The following SEC14L5 variants were observed in gnomAD, a reference collection of about 807,000 sequenced individuals.
SEC14L5 encodes the protein SEC14-like protein 5.
Under a neutral mutation model 84.6 loss-of-function variants are expected in SEC14L5, and 96 were observed. That is an observed-to-expected ratio of 1.13 (90% CI 0.96 to 1.34). The LOEUF (loss-of-function observed/expected upper bound fraction) is 1.34. Ranked by LOEUF, SEC14L5 falls within the 40% of genes most tolerant of loss-of-function variation. The probability of loss-of-function intolerance (pLI) is 0.00; values close to 1 mark genes in which losing one functional copy is unlikely to be tolerated. For synonymous variants in SEC14L5, 546 were observed against 383.4 expected, an observed-to-expected ratio of 1.42 and a Z score of -4.95; for missense variants, 1,224 against 942.5, an observed-to-expected ratio of 1.30 and a Z score of -3.91.
At chr16:4,965,953 G>A (rs1436344500) in intron 2 of SEC14L5, among the ~76,000 whole-genome samples, 1 of 151,950 alleles carries the variant, frequency 6.6e-6, no homozygotes, top group Non-Finnish European at 1.5e-5. Flanking sequence ...GAGGCAGGAG[G>A]ATCACTTGAG....
At chr16:4,982,240 G>T (rs1191350319) in intron 2 of SEC14L5, among the ~76,000 whole-genome samples, 1 of 152,128 alleles carries the variant, frequency 6.6e-6, no homozygotes, top group African/African-American at 2.4e-5. Context: ...CTTCCTGGGA[G>T]CCAGGAGGGA....
chr16:5,000,951 C>T (rs560280980), intron 10 of SEC14L5, 26 bp downstream of exon 10: 1 of 1,568,788 alleles, frequency 6.4e-7, no homozygotes. Context: ...GGGCACAAAT[C>T]CCCCCTAAAC....
intron 2 of SEC14L5, among the ~76,000 whole-genome samples, chr16:4,965,394 G>T (rs1043956590): frequency 2.0e-5 from 3 of 152,128 alleles, no homozygotes; most frequent in Non-Finnish European, 2.9e-5. Context: ...AGGCGCGGTG[G>T]CTCACGCCTG....
At chr16:5,001,672 C>T (rs942343042) in intron 10 of SEC14L5, among the ~76,000 whole-genome samples, 1 of 152,180 alleles carries the variant, frequency 6.6e-6, no homozygotes, top group African/African-American at 2.4e-5. Context: ...GACTCCCCCG[C>T]ATTTCTGTTC....
chr16:4,966,564 G>A (rs1568103299), intron 2 of SEC14L5, among the ~76,000 whole-genome samples: 1 of 152,076 alleles, frequency 6.6e-6, no homozygotes, highest in Admixed American at 6.6e-5. Context: ...GTGAGCCACC[G>A]TGCCCAGCCC....
intron 2 of SEC14L5, among the ~76,000 whole-genome samples, chr16:4,982,398 C>T (rs1955434894): frequency 6.6e-6 from 1 of 152,174 alleles, no homozygotes; most frequent in Non-Finnish European, 1.5e-5. Flanking sequence ...CTGGGATACG[C>T]CCCCACCACC....
intron 2 of SEC14L5, among the ~76,000 whole-genome samples, chr16:4,978,591 T>C (rs1955378278): frequency 6.7e-6 from 1 of 149,148 alleles, no homozygotes; most frequent in South Asian, 2.2e-4. Context: ...GGTAATTTTC[T>C]TTTTTAAAAA....
intron 2 of SEC14L5, among the ~76,000 whole-genome samples, chr16:4,963,354 T>G (rs1030786236): frequency 6.6e-6 from 1 of 152,206 alleles, no homozygotes; most frequent in Non-Finnish European, 1.5e-5. Flanking sequence ...CAACTATTTT[T>G]TTTTTAAGAT....
intron 15 of SEC14L5, among the ~76,000 whole-genome samples, chr16:5,012,930 TG>T (rs1955822473): frequency 7.1e-6 from 1 of 141,602 alleles, no homozygotes; most frequent in African/African-American, 2.6e-5. Context: ...TACCTGAGAC[TG>T]GGTAATTTAT....
At chr16:5,012,606 G>A (rs1955818460) in intron 15 of SEC14L5, among the ~76,000 whole-genome samples, 1 of 152,232 alleles carries the variant, frequency 6.6e-6, no homozygotes, top group African/African-American at 2.4e-5. Flanking sequence ...TCCACACTGT[G>A]AGAAAGAACT....
intron 2 of SEC14L5, among the ~76,000 whole-genome samples, chr16:4,977,967 A>G (rs1292354746): frequency 6.7e-6 from 1 of 148,422 alleles, no homozygotes; most frequent in Non-Finnish European, 1.5e-5. Flanking sequence ...CGCCTGGCTA[A>G]TTTTTTGCAT....
chr16:4,999,996 A>G (rs1468791681), intron 8 of SEC14L5, among the ~76,000 whole-genome samples: 1 of 152,120 alleles, frequency 6.6e-6, no homozygotes, highest in Non-Finnish European at 1.5e-5. Context: ...ATTGGTTGAC[A>G]AAAAGTATTA....
intron 2 of SEC14L5, among the ~76,000 whole-genome samples, chr16:4,972,149 G>A (rs1009232888): frequency 2.0e-5 from 3 of 151,860 alleles, no homozygotes; most frequent in Non-Finnish European, 4.4e-5. Flanking sequence ...GGGACTATAG[G>A]TGCCACCGAA....
chr16:4,984,862 C>T (rs1035873538), intron 2 of SEC14L5, among the ~76,000 whole-genome samples: 1 of 152,132 alleles, frequency 6.6e-6, no homozygotes, highest in Non-Finnish European at 1.5e-5. Flanking sequence ...CTGTTGAGAT[C>T]TTCTGCCATT....
At chr16:5,006,958 C>T (rs548315933) in intron 12 of SEC14L5, among the ~76,000 whole-genome samples, 6 of 152,154 alleles carry the variant, frequency 3.9e-5, no homozygotes, top group South Asian at 2.1e-4. Flanking sequence ...GTTCCACCCC[C>T]GCCTGTGACG....
At chr16:4,967,068 C>T (rs976655303) in intron 2 of SEC14L5, among the ~76,000 whole-genome samples, 1 of 152,234 alleles carries the variant, frequency 6.6e-6, no homozygotes. Flanking sequence ...GAGACTGTCC[C>T]TCAGTGACCA....
intron 1 of SEC14L5, among the ~76,000 whole-genome samples, chr16:4,958,743 C>G (rs935841141): frequency 6.6e-6 from 1 of 152,116 alleles, no homozygotes; most frequent in African/African-American, 2.4e-5. Flanking sequence ...GAGGCGTGTG[C>G]AAAAGCAGTC....
At chr16:5,012,269 G>T (rs1258657403) in intron 15 of SEC14L5, among the ~76,000 whole-genome samples, 6 of 152,180 alleles carry the variant, frequency 3.9e-5, no homozygotes, top group Non-Finnish European at 7.3e-5. Flanking sequence ...AATAGACACA[G>T]GCATTGGAAG....
chr16:4,996,333 C>G lies in SEC14L5; in HGVS notation c.668-15C>G, dbSNP rs1466886182. 2 of 1,477,724 alleles carry G rather than the reference C, an allele frequency of 1.4e-6. No individual in the cohort carries two copies. Among genetic ancestry groups the G allele is most frequent in the South Asian group, 1.2e-5 (1 of 82,488 alleles). 91.5% of individuals were successfully genotyped at this position (1,477,724 alleles called of 1,614,324 possible). On this transcript the variant is annotated splice_polypyrimidine_tract_variant and intron_variant, in intron 6 of 15. Coordinates refer to ENST00000251170, the MANE Select transcript of SEC14L5 (RefSeq NM_014692.2). ...CGTCTCCCTCTTGTCCTGAAGCTCC[C>G]CCTTCTCCTCCAAGGGGACAAGCTG...
Sources: gnomAD v4.1 joint callset for allele counts (sites outside exome capture counted in the v4.1 genomes callset) on GRCh38, gnomAD v4.1.1 for gene constraint, MANE v1.5 for transcripts, NCBI Gene and HGNC (gene_info 2026-07-23, HGNC 2026-07-21) for gene names.